EPHB1: variants seen among roughly 807,000 people sequenced by gnomAD.
EPHB1 encodes the protein EPH receptor B1.
A neutral mutation model predicts 94.4 loss-of-function variants in EPHB1; 30 were observed. That is an observed-to-expected ratio of 0.32 (90% CI 0.24 to 0.43). EPHB1 has a LOEUF of 0.43. Among genes scored for constraint, EPHB1 ranks in the 20% least tolerant of loss-of-function variants. The pLI, the probability that EPHB1 is intolerant of heterozygous loss-of-function variation, is 1.00. For synonymous variants in EPHB1, 522 were observed against 489.1 expected (o/e 1.07, Z -0.89); for missense variants, 1,055 against 1,308.3 (o/e 0.81, Z 2.99).
intron 3 of EPHB1, among the ~76,000 whole-genome samples, chr3:135,022,146 A>AT (rs1240500781): frequency 3.9e-5 from 6 of 152,020 alleles, no homozygotes; most frequent in Non-Finnish European, 8.8e-5. Flanking sequence ...TGCCCGGCTA[A>AT]TTTTTTGTAT....
rs568349372 is a variant in EPHB1 at position 135,086,619 on chromosome 3, A to G, written c.806-19829A>G. On this transcript the variant is annotated intron_variant, in intron 3 of 15. Coordinates refer to ENST00000398015, the MANE Select transcript of EPHB1 (RefSeq NM_004441.5). ...ATTTTGCCTACCTAGTAAACTATGA[A>G]TGCTTCAAAGCCTGCATCAGTTGTC... 2.4e-4 allele frequency among the ~76,000 whole-genome samples: 36 copies of G among 151,960 alleles called. No individual in the cohort carries two copies. In the South Asian group the frequency reaches 7.3e-3, roughly 31 times the overall value.
At chr3:135,256,615 A>T (rs1373679685) in intron 15 of EPHB1, among the ~76,000 whole-genome samples, 1 of 152,076 alleles carries the variant, frequency 6.6e-6, no homozygotes, top group African/African-American at 2.4e-5. Context: ...CTTCCCTTTG[A>T]GGGTAACCCG....
intron 1 of EPHB1, among the ~76,000 whole-genome samples, chr3:134,918,624 C>T (rs1248510817): frequency 6.6e-6 from 1 of 152,158 alleles, no homozygotes; most frequent in African/African-American, 2.4e-5. Context: ...AACACTGTCT[C>T]CTGAGTTGCA....
chr3:134,823,587 A>C (rs1383336221), intron 1 of EPHB1, among the ~76,000 whole-genome samples: 2 of 152,176 alleles, frequency 1.3e-5, no homozygotes, highest in African/African-American at 4.8e-5. Flanking sequence ...CAGATAGGAA[A>C]ACCAAGGCCC....
Position 135,241,388 on chromosome 3 carries a change from G to A in EPHB1, c.2496+91G>A, listed in dbSNP as rs748268208. 4.5e-5 allele frequency: 68 copies of A among 1,521,184 alleles called. No individual in the cohort carries two copies. The South Asian group carries it at 5.0e-4, about 11-fold the overall frequency. 94.2% of individuals were successfully genotyped at this position (1,521,184 alleles called of 1,614,324 possible). ...CCAATTCCTCCTGTTTTCAGCTCAC[G>A]GCCTCATAATCTGAACCTGCAGTGT... is the stretch of plus-strand genomic sequence containing the variant. On this transcript the variant is annotated intron_variant, in intron 13 of 15. Transcript: ENST00000398015.
At chr3:134,811,002 G>A (rs373024678) in intron 1 of EPHB1, among the ~76,000 whole-genome samples, 1 of 152,056 alleles carries the variant, frequency 6.6e-6, no homozygotes, top group African/African-American at 2.4e-5. Flanking sequence ...GTCCCATAAA[G>A]GACTGTGAGG....
At chr3:134,864,021 T>A (rs1488960386) in intron 1 of EPHB1, among the ~76,000 whole-genome samples, 1 of 152,226 alleles carries the variant, frequency 6.6e-6, no homozygotes, top group African/African-American at 2.4e-5. Flanking sequence ...GTCAGGATGA[T>A]GGCTGTCTCA....
intron 3 of EPHB1, among the ~76,000 whole-genome samples, chr3:135,058,361 C>G (rs1937402255): frequency 6.6e-6 from 1 of 152,196 alleles, no homozygotes; most frequent in South Asian, 2.1e-4. Flanking sequence ...CACCTCTCCT[C>G]TCCTGTCCCT....
chr3:134,832,531 C>G (rs2036598864), intron 1 of EPHB1, among the ~76,000 whole-genome samples: 1 of 152,204 alleles, frequency 6.6e-6, no homozygotes, highest in Non-Finnish European at 1.5e-5. Context: ...ATGAGTTCCC[C>G]CTTACCCACA....
At position 135,165,968 on chromosome 3, in the gene EPHB1, A is replaced by G. The variant is rs755303575; in HGVS notation, c.1586A>G (p.Asp529Gly). 6.2e-7 allele frequency: 1 copy of G among 1,613,630 alleles called. No homozygotes were observed. The highest frequency in any genetic ancestry group is 1.1e-5 in the South Asian group (1 of 91,080). The stretch of plus-strand genomic sequence containing the variant: ...ATTCTAATGCCTCTTTCTCACCTAG[A>G]TGATTACAAGTCAGAGCTGAGGGAG... The part of the protein sequence containing the change: ...GKMCFQTLTD[D>G]DYKSELREQL... Residue 529 changes from aspartate (D) to glycine (G), a missense_variant and splice_region_variant, in exon 8 of 16, where the codon GAT (aspartate) becomes GGT (glycine). Coordinates refer to ENST00000398015, the MANE Select transcript of EPHB1 (RefSeq NM_004441.5).
chr3:135,016,901 T>G (rs972996619), intron 3 of EPHB1, among the ~76,000 whole-genome samples: 2 of 152,186 alleles, frequency 1.3e-5, no homozygotes, highest in African/African-American at 4.8e-5. Flanking sequence ...GCTGCAGAGA[T>G]TCCCAGAGTT....
intron 5 of EPHB1, among the ~76,000 whole-genome samples, chr3:135,135,745 C>T (rs888327734): frequency 1.3e-5 from 2 of 152,174 alleles, no homozygotes; most frequent in African/African-American, 4.8e-5. Flanking sequence ...AGATGGCAGG[C>T]AAAGAATTTG....
intron 3 of EPHB1, among the ~76,000 whole-genome samples, chr3:135,064,012 G>GT (rs1937549398): frequency 1.3e-5 from 2 of 152,086 alleles, no homozygotes; most frequent in South Asian, 4.1e-4. Flanking sequence ...ACTTGTGTAT[G>GT]TTAAACCATC....
chr3:135,036,125 TAAG>T (rs1466663276), intron 3 of EPHB1, among the ~76,000 whole-genome samples: 1 of 152,120 alleles, frequency 6.6e-6, no homozygotes, highest in South Asian at 2.1e-4. Context: ...GACAGAGAGG[TAAG>T]AAGCCGCTTC....
intron 12 of EPHB1, among the ~76,000 whole-genome samples, chr3:135,217,476 G>GGA (rs141040790): frequency 1.1e-3 from 166 of 146,776 alleles, no homozygotes; most frequent in East Asian, 2.2e-3. Flanking sequence ...ACGCACACGG[G>GGA]GAGAGAGAGA....
intron 1 of EPHB1, among the ~76,000 whole-genome samples, chr3:134,850,212 T>C (rs1213677234): frequency 1.3e-5 from 2 of 152,222 alleles, no homozygotes; most frequent in East Asian, 3.8e-4. Context: ...CTCTTTCTTT[T>C]CCTTGATCAT....
At chr3:135,256,200 A>C (rs1423955879) in intron 15 of EPHB1, among the ~76,000 whole-genome samples, 1 of 151,986 alleles carries the variant, frequency 6.6e-6, no homozygotes, top group Non-Finnish European at 1.5e-5. Context: ...TTTTAATTGG[A>C]GCATTTAGTC....
intron 3 of EPHB1, among the ~76,000 whole-genome samples, chr3:135,041,536 G>A (rs1166630622): frequency 6.6e-6 from 1 of 152,216 alleles, no homozygotes. Flanking sequence ...GAAAAGGAAG[G>A]TCCAGACTGC....
chr3:134,977,511 G>A (rs1934234847), intron 3 of EPHB1, among the ~76,000 whole-genome samples: 1 of 152,180 alleles, frequency 6.6e-6, no homozygotes, highest in Non-Finnish European at 1.5e-5. Flanking sequence ...GGACATCCTT[G>A]TTTGTCCCTT....
Sources: allele counts gnomAD v4.1 joint callset (sites outside exome capture counted in the v4.1 genomes callset), GRCh38; gene constraint gnomAD v4.1.1; transcripts MANE v1.5; gene names NCBI Gene and HGNC (gene_info 2026-07-23, HGNC 2026-07-21).